CDKAL1: variants seen among roughly 807,000 people sequenced by gnomAD.
CDKAL1 encodes threonylcarbamoyladenosine tRNA methylthiotransferase.
CDKAL1 carries 32 observed loss-of-function variants against 68.2 expected under a neutral mutation model. The ratio of observed to expected loss-of-function variants is 0.47; its 90% CI spans 0.35 to 0.63. The LOEUF (loss-of-function observed/expected upper bound fraction) is 0.63, where lower values mean the gene tolerates loss of function less well. Among genes scored for constraint, CDKAL1 ranks in the 30% least tolerant of loss-of-function variants. CDKAL1 has a pLI of 0.00. For synonymous variants in CDKAL1, 234 were observed against 244.3 expected (o/e 0.96, Z 0.39); for missense variants, 606 against 696.7 (o/e 0.87, Z 1.47).
chr6:21,008,771 A>G (rs2150835468), intron 11 of CDKAL1, among the ~76,000 whole-genome samples: 1 of 152,286 alleles, frequency 6.6e-6, no homozygotes, highest in Non-Finnish European at 1.5e-5. Flanking sequence ...AGTAAGAAGC[A>G]GGGATAATAC....
chr6:20,964,739 G>A (rs1334976547), intron 10 of CDKAL1, among the ~76,000 whole-genome samples: 1 of 152,114 alleles, frequency 6.6e-6, no homozygotes, highest in African/African-American at 2.4e-5. Flanking sequence ...AAACCCCCAT[G>A]ACACAAGTTT....
At chr6:21,199,177 G>C (rs545928584) in intron 14 of CDKAL1, among the ~76,000 whole-genome samples, 1 of 152,340 alleles carries the variant, frequency 6.6e-6, no homozygotes, top group East Asian at 1.9e-4. Context: ...AGTCGGATGA[G>C]GGATGGGCAG....
chr6:20,596,505 C>T (rs1765831099), intron 4 of CDKAL1, among the ~76,000 whole-genome samples: 1 of 152,184 alleles, frequency 6.6e-6, no homozygotes, highest in Admixed American at 6.5e-5. Context: ...TGGTGGACAT[C>T]CCTCCCCACA....
intron 5 of CDKAL1, among the ~76,000 whole-genome samples, chr6:20,735,791 TTAAGTGCTATG>T (rs1465759493): frequency 6.6e-6 from 1 of 152,254 alleles, no homozygotes; most frequent in Admixed American, 6.5e-5. Context: ...ATTACCCTGA[TTAAGTGCTATG>T]TAAGTGCTAA....
intron 4 of CDKAL1, among the ~76,000 whole-genome samples, chr6:20,631,917 G>C (rs1767690533): frequency 6.6e-6 from 1 of 152,170 alleles, no homozygotes; most frequent in African/African-American, 2.4e-5. Context: ...TCTAAATATA[G>C]CAACTGTAAA....
chr6:20,698,075 G>A (rs1771182150), intron 5 of CDKAL1, among the ~76,000 whole-genome samples: 1 of 152,104 alleles, frequency 6.6e-6, no homozygotes, highest in Non-Finnish European at 1.5e-5. Context: ...CCAATGGTGG[G>A]TTTTAGTCAG....
At chr6:20,696,193 C>T (rs1771098632) in intron 5 of CDKAL1, among the ~76,000 whole-genome samples, 1 of 152,178 alleles carries the variant, frequency 6.6e-6, no homozygotes, top group Non-Finnish European at 1.5e-5. Context: ...TGGGGAGACC[C>T]CAGAAATATG....
chr6:21,222,213 G>A (rs1216055069), intron 15 of CDKAL1, among the ~76,000 whole-genome samples: 2 of 152,194 alleles, frequency 1.3e-5, no homozygotes, highest in Admixed American at 6.5e-5. Context: ...ATGTATGTGT[G>A]TGTTCAAGTT....
At chr6:21,205,820 C>CACACCGGACCAGTCAA (rs1582415546) in intron 15 of CDKAL1, among the ~76,000 whole-genome samples, 10 of 142,674 alleles carry the variant, frequency 7.0e-5, no homozygotes, top group Non-Finnish European at 1.2e-4. Flanking sequence ...CGTGAGCCCC[C>CACACCGGACCAGTCAA]GCGCCCAGCC....
chr6:21,033,845 A>C (rs1769429562), intron 11 of CDKAL1, among the ~76,000 whole-genome samples: 1 of 152,182 alleles, frequency 6.6e-6, no homozygotes, highest in Non-Finnish European at 1.5e-5. Context: ...AATACAGTAA[A>C]TAGGTTAAGT....
At chr6:20,730,321 GAAAA>G (rs997416440) in intron 5 of CDKAL1, among the ~76,000 whole-genome samples, 6 of 143,420 alleles carry the variant, frequency 4.2e-5, no homozygotes, top group African/African-American at 1.3e-4. Context: ...AGAAAGAAAA[GAAAA>G]GAAAGAAAGA....
Position 21,195,739 on chromosome 6 carries a change from G to A in CDKAL1, c.1300-2282G>A, listed in dbSNP as rs554937070. Among the ~76,000 whole-genome samples the A allele has an allele frequency of 2.0e-5, 3 of 151,612 alleles. No homozygotes were observed. The South Asian group carries it at 6.3e-4, about 32-fold the overall frequency. On this transcript the variant is annotated intron_variant, in intron 13 of 15. Coordinates refer to ENST00000274695, the MANE Select transcript of CDKAL1 (RefSeq NM_017774.3). Reference sequence around the variant, plus strand: ...TTACCCAGGCGGTCTCAAACTCCTGGACTCAAGTGATCTGCCCACCTCTGC... The same window carrying A: ...TTACCCAGGCGGTCTCAAACTCCTGAACTCAAGTGATCTGCCCACCTCTGC...
chr6:20,949,798 A>G (rs768440084), intron 9 of CDKAL1, among the ~76,000 whole-genome samples: 2 of 152,066 alleles, frequency 1.3e-5, no homozygotes, highest in Non-Finnish European at 2.9e-5. Context: ...TTTCTGAAGA[A>G]GTATTTCTTG....
intron 4 of CDKAL1, among the ~76,000 whole-genome samples, chr6:20,613,657 T>G (rs1181353387): frequency 6.7e-6 from 1 of 148,492 alleles, no homozygotes; most frequent in Non-Finnish European, 1.5e-5. Context: ...CAGTAAATAT[T>G]TATATATTTA....
intron 4 of CDKAL1, among the ~76,000 whole-genome samples, chr6:20,643,937 G>A (rs1768309773): frequency 6.6e-6 from 1 of 151,982 alleles, no homozygotes. Context: ...CGAATTTCCT[G>A]TCTCAGCCTC....
chr6:21,186,002 C>T (rs1233721988), intron 13 of CDKAL1, among the ~76,000 whole-genome samples: 1 of 151,118 alleles, frequency 6.6e-6, no homozygotes, highest in Non-Finnish European at 1.5e-5. Flanking sequence ...GCCTGAATGC[C>T]TGGCCAATAA....
chr6:20,617,178 G>T (rs1766956752), intron 4 of CDKAL1, among the ~76,000 whole-genome samples: 1 of 152,072 alleles, frequency 6.6e-6, no homozygotes. Context: ...TTAGAGTTGT[G>T]TCCTCATGAA....
chr6:20,792,228 GC>G (rs1222740510), intron 8 of CDKAL1, among the ~76,000 whole-genome samples: 1 of 152,144 alleles, frequency 6.6e-6, no homozygotes, highest in African/African-American at 2.4e-5. Flanking sequence ...AGGCAATAGT[GC>G]ATGTAGTTAA....
intron 8 of CDKAL1, among the ~76,000 whole-genome samples, chr6:20,801,780 T>C (rs1776374745): frequency 6.6e-6 from 1 of 152,210 alleles, no homozygotes. Context: ...AAGGATGTGT[T>C]GGTAAATAGT....
Sources: allele counts gnomAD v4.1 joint callset (sites outside exome capture counted in the v4.1 genomes callset), GRCh38; gene constraint gnomAD v4.1.1; transcripts MANE v1.5; gene names NCBI Gene and HGNC (gene_info 2026-07-23, HGNC 2026-07-21).